Variants in CLMP observed in about 807,000 individuals in gnomAD.
CLMP encodes the protein CXADR like cell adhesion molecule, also known as CXADR-like membrane protein.
A neutral mutation model predicts 45.2 loss-of-function variants in CLMP; 27 were observed. The ratio of observed to expected loss-of-function variants is 0.60; its 90% CI spans 0.44 to 0.82. CLMP has a LOEUF of 0.82. Ranked by LOEUF, CLMP falls within the 40% of genes least tolerant of loss-of-function variation. The pLI is 0.00. For synonymous variants in CLMP, 167 were observed against 171.4 expected (o/e 0.97, Z 0.20); for missense variants, 403 against 448.4 (o/e 0.90, Z 0.91).
intron 1 of CLMP, among the ~76,000 whole-genome samples, chr11:123,112,428 C>T (rs1351032620): frequency 2.0e-5 from 3 of 149,818 alleles, no homozygotes; most frequent in Non-Finnish European, 4.4e-5. Flanking sequence ...ACCTCCGCCT[C>T]CAGGGTTGAA....
intron 5 of CLMP, among the ~76,000 whole-genome samples, chr11:123,079,705 A>G (rs1865779310): frequency 6.6e-6 from 1 of 152,174 alleles, no homozygotes; most frequent in Admixed American, 6.6e-5. Flanking sequence ...TCGACCTCCC[A>G]AAGTGCTGGG....
chr11:123,179,416 C>A (rs531628182), intron 1 of CLMP, among the ~76,000 whole-genome samples: 1 of 152,172 alleles, frequency 6.6e-6, no homozygotes, highest in African/African-American at 2.4e-5. Context: ...AAGAAAGGAA[C>A]AAGGAAGCCT....
chr11:123,152,660 G>A (rs1861355360), intron 1 of CLMP, among the ~76,000 whole-genome samples: 2 of 152,164 alleles, frequency 1.3e-5, no homozygotes, highest in South Asian at 4.1e-4. Context: ...AGAATTGTGA[G>A]AAAATACATT....
chr11:123,176,438 C>T (rs1477535297), intron 1 of CLMP, among the ~76,000 whole-genome samples: 1 of 152,192 alleles, frequency 6.6e-6, no homozygotes, highest in African/African-American at 2.4e-5. Context: ...GCGTTTTGTT[C>T]AAGGAATGAG....
chr11:123,171,448 T>C (rs1172642131), intron 1 of CLMP, among the ~76,000 whole-genome samples: 1 of 124,552 alleles, frequency 8.0e-6, no homozygotes, highest in Non-Finnish European at 1.6e-5. Context: ...TTTTCTTTTC[T>C]TTTTTTTTTT....
chr11:123,179,507 G>A (rs1311106812), intron 1 of CLMP, among the ~76,000 whole-genome samples: 2 of 152,168 alleles, frequency 1.3e-5, no homozygotes, highest in Non-Finnish European at 2.9e-5. Flanking sequence ...GCCGCTAGAG[G>A]GGTCTTGTTC....
At chr11:123,157,064 C>T (rs893762632) in intron 1 of CLMP, among the ~76,000 whole-genome samples, 4 of 152,192 alleles carry the variant, frequency 2.6e-5, no homozygotes, top group Non-Finnish European at 2.9e-5. Context: ...TATCACCTGG[C>T]TCTGAATTCC....
chr11:123,169,680 C>G (rs1427459400), intron 1 of CLMP, among the ~76,000 whole-genome samples: 4 of 152,102 alleles, frequency 2.6e-5, no homozygotes, highest in African/African-American at 4.8e-5. Context: ...TAAGAGTGAC[C>G]ATGGCCCATA....
At chr11:123,194,108 T>G (rs976927673) in intron 1 of CLMP, among the ~76,000 whole-genome samples, 2 of 152,006 alleles carry the variant, frequency 1.3e-5, no homozygotes, top group Non-Finnish European at 2.9e-5. Context: ...TGTCCTCTCC[T>G]GCAAACCTGC....
chr11:123,092,905 C>A (rs924540850), intron 2 of CLMP, among the ~76,000 whole-genome samples: 1 of 139,614 alleles, frequency 7.2e-6, no homozygotes, highest in African/African-American at 2.8e-5. Flanking sequence ...GCCTGACACA[C>A]ACTTTTTTTT....
In CLMP at chr11:123,139,285, G is replaced by T. The variant is rs551924400; in HGVS notation, c.29-41333C>A. Among the ~76,000 whole-genome samples the T allele has an allele frequency of 1.6e-4, 25 of 151,988 alleles. No homozygotes were observed. In the South Asian group the frequency reaches 4.2e-3, roughly 25 times the overall value. On this transcript the variant is annotated intron_variant, in intron 1 of 6. Coordinates refer to ENST00000448775, the MANE Select transcript of CLMP (RefSeq NM_024769.5). ...CTATTGAATTGAAAACTATTCTGTA[G>T]CTCAGAGGTTTGAATGTGAGATGTT...
chr11:123,172,793 ATT>A (rs1253722260), intron 1 of CLMP, among the ~76,000 whole-genome samples: 1 of 152,144 alleles, frequency 6.6e-6, no homozygotes, highest in Non-Finnish European at 1.5e-5. Context: ...GCCAATAAAC[ATT>A]TTTTTACATT....
chr11:123,121,454 G>C (rs147623641), intron 1 of CLMP, among the ~76,000 whole-genome samples: 3,443 of 151,984 alleles, frequency 0.023, 139 homozygotes, highest in African/African-American at 0.078. Context: ...TGTGCCACCA[G>C]GCCCATCTAA....
intron 1 of CLMP, among the ~76,000 whole-genome samples, chr11:123,183,127 T>C (rs1861790577): frequency 6.6e-6 from 1 of 152,196 alleles, no homozygotes; most frequent in Admixed American, 6.5e-5. Context: ...CTTGCTAAAA[T>C]GTGCATTCTG....
intron 1 of CLMP, among the ~76,000 whole-genome samples, chr11:123,182,328 G>A (rs559296676): frequency 1.1e-4 from 16 of 152,262 alleles, no homozygotes; most frequent in South Asian, 2.1e-4. Flanking sequence ...GTTTCCATCC[G>A]AGCGAGGTCA....
intron 1 of CLMP, among the ~76,000 whole-genome samples, chr11:123,162,782 G>T (rs1255239471): frequency 6.6e-6 from 1 of 151,734 alleles, no homozygotes; most frequent in Non-Finnish European, 1.5e-5. Context: ...AGTGCCTGTA[G>T]TCCCAGCTGC....
intron 1 of CLMP, among the ~76,000 whole-genome samples, chr11:123,112,389 G>A (rs1429078686): frequency 1.3e-5 from 2 of 149,614 alleles, no homozygotes; most frequent in African/African-American, 4.9e-5. Context: ...CCAGGCTGGA[G>A]TGCAGTGGTG....
intron 1 of CLMP, among the ~76,000 whole-genome samples, chr11:123,162,917 G>C (rs1004983400): frequency 2.6e-5 from 4 of 151,424 alleles, no homozygotes; most frequent in Non-Finnish European, 4.4e-5. Flanking sequence ...AAAAAAAAGA[G>C]AGAAGAAAAC....
chr11:123,170,563 C>T (rs749484345), intron 1 of CLMP, among the ~76,000 whole-genome samples: 68 of 152,046 alleles, frequency 4.5e-4, no homozygotes, highest in South Asian at 8.3e-4. Flanking sequence ...CCTCTGCCTC[C>T]GGAGTAGCTG....
Sources: gnomAD v4.1 joint callset for allele counts (sites outside exome capture counted in the v4.1 genomes callset) on GRCh38, gnomAD v4.1.1 for gene constraint, MANE v1.5 for transcripts, NCBI Gene and HGNC (gene_info 2026-07-23, HGNC 2026-07-21) for gene names.